The following GDI2 variants were observed in gnomAD, a reference collection of about 807,000 sequenced individuals.
The protein encoded by GDI2 is rab GDP dissociation inhibitor beta.
Under a neutral mutation model 54.2 loss-of-function variants are expected in GDI2, and 22 were observed. The observed-to-expected ratio is 0.41, with a 90% CI of 0.29 to 0.58. The LOEUF (loss-of-function observed/expected upper bound fraction) is 0.58. GDI2 is among the 20% of genes least tolerant of loss of function. The probability of loss-of-function intolerance (pLI) is 0.35; values close to 1 mark genes in which losing one functional copy is unlikely to be tolerated. For synonymous variants in GDI2, 177 were observed against 182.1 expected (o/e 0.97, Z 0.23); for missense variants, 422 against 546.0 (o/e 0.77, Z 2.26).
intron 1 of GDI2, among the ~76,000 whole-genome samples, chr10:5,806,725 C>T (rs1841387755): frequency 6.6e-6 from 1 of 151,822 alleles, no homozygotes; most frequent in Non-Finnish European, 1.5e-5. Flanking sequence ...AGAAAACAAC[C>T]TAAAGCAGCA....
In GDI2 at chr10:5,766,573, C is replaced by G; in HGVS notation, c.1057G>C (p.Val353Leu). 6.2e-7 allele frequency: 1 copy of G among 1,613,282 alleles called. No homozygotes were observed. The highest frequency in any genetic ancestry group is 8.5e-7 in the Non-Finnish European group (1 of 1,179,206). ...VAAQGKYIAIVSTTVETKEPE... is the reference protein window; with the variant it reads ...VAAQGKYIAILSTTVETKEPE... ...TCCTTGGTTTCCACAGTTGTACTAA[C>G]TATAGCAATGTACTTCCCTTGTGCT... Residue 353 changes from valine (V) to leucine (L), a missense_variant, in exon 9 of 11, where the codon GTT becomes CTT. By Grantham distance (32) the Val-to-Leu change is conservative. Transcript: ENST00000380191. This position sits in a 1 kb window ranked among gnomAD's most constrained non-coding sequence, Gnocchi z 5.8.
chr10:5,788,752 T>C (rs1232990514), intron 4 of GDI2, among the ~76,000 whole-genome samples: 3 of 149,934 alleles, frequency 2.0e-5, no homozygotes, highest in East Asian at 2.0e-4. Context: ...GAAAAAATTT[T>C]TGGAGGTTTG....
chr10:5,787,293 T>A (rs1375022823), intron 4 of GDI2, among the ~76,000 whole-genome samples: 1 of 152,078 alleles, frequency 6.6e-6, no homozygotes, highest in Non-Finnish European at 1.5e-5. Flanking sequence ...TCGCTTGAGG[T>A]CAGGAGTTCA....
Position 5,776,894 on chromosome 10 carries a change from A to C in GDI2, c.720-2953T>G. The stretch of plus-strand genomic sequence containing the variant: ...AGGCCAGAGAAGAGGGGAGAAGAGG[A>C]AATAATGCGAAAACAGTTAATCCAG... On this transcript the variant is annotated intron_variant, in intron 6 of 10. Coordinates refer to ENST00000380191, the MANE Select transcript of GDI2 (RefSeq NM_001494.4). This position sits in a 1 kb window ranked among gnomAD's most constrained non-coding sequence, Gnocchi z 5.3. 1.1e-6 allele frequency: 1 copy of C among 880,894 alleles called. No individual in the cohort carries two copies. The highest frequency in any genetic ancestry group is 1.7e-6 in the Non-Finnish European group (1 of 581,662). The allele number at this position is 880,894 out of a possible 1,614,324, so 54.6% of individuals were successfully genotyped here.
Position 5,806,322 on chromosome 10 carries a change from C to T in GDI2, c.46-5617G>A, listed in dbSNP as rs183721596. On this transcript the variant is annotated intron_variant, in intron 1 of 10. Coordinates refer to ENST00000380191, the MANE Select transcript of GDI2 (RefSeq NM_001494.4). ...GGGCATGGTGGCTCATGCCTATAAT[C>T]TCAGCCCTTTGGGAGGCCAAGGTGG... 9.6e-3 allele frequency among the ~76,000 whole-genome samples: 1,357 copies of T among 141,456 alleles called. 10 individuals carry two copies. Among genetic ancestry groups the T allele is most frequent in the Non-Finnish European group, 0.015 (994 of 65,292 alleles). 92.8% of individuals were successfully genotyped at this position (141,456 alleles called of 152,430 possible).
intron 4 of GDI2, among the ~76,000 whole-genome samples, chr10:5,789,174 C>T (rs1445383115): frequency 6.6e-6 from 1 of 151,956 alleles, no homozygotes; most frequent in African/African-American, 2.4e-5. Context: ...GGCGCAACCA[C>T]AGCTCACTGC....
intron 1 of GDI2, among the ~76,000 whole-genome samples, chr10:5,802,384 A>C (rs1841289745): frequency 6.6e-6 from 1 of 152,176 alleles, no homozygotes; most frequent in Non-Finnish European, 1.5e-5. Flanking sequence ...GTGGATCACA[A>C]GGTCAGGAGA....
At chr10:5,772,277 T>C (rs1265966623) in intron 7 of GDI2, among the ~76,000 whole-genome samples, 1 of 152,202 alleles carries the variant, frequency 6.6e-6, no homozygotes. Flanking sequence ...CTATTTGTGC[T>C]GATATACCTG....
intron 1 of GDI2, chr10:5,811,836 G>T: frequency 1.9e-6 from 1 of 531,298 alleles, no homozygotes; most frequent in Non-Finnish European, 3.2e-6. Context: ...ACAGAAAAAT[G>T]ACAGACCAGA....
In GDI2 at chr10:5,766,791, G is replaced by A. The variant is rs955868904; in HGVS notation, c.992-153C>T. Among the ~76,000 whole-genome samples the A allele has an allele frequency of 6.6e-6, 1 of 152,182 alleles. No homozygotes were observed. ...TAAGTTCTAAATGGTGACAGAGTTG[G>A]ATGTAAAGTACACAGATATTTAACA... On this transcript the variant is annotated intron_variant, in intron 8 of 10. Coordinates refer to ENST00000380191, the MANE Select transcript of GDI2 (RefSeq NM_001494.4). The surrounding 1 kb of genome is among the most constrained non-coding windows in gnomAD (Gnocchi z 5.8).
Position 5,813,274 on chromosome 10 carries a change from G to A in GDI2, c.-16C>T. The stretch of plus-strand genomic sequence containing the variant: ...CCTCATTCATGGCGGGGCAGGCGCG[G>A]ACGCAGGACCCGAGCAAGGAAAAGG... On this transcript the variant is annotated 5_prime_UTR_variant, in exon 1 of 11. Coordinates refer to ENST00000380191, the MANE Select transcript of GDI2 (RefSeq NM_001494.4). 3 of 1,568,914 alleles carry A rather than the reference G, an allele frequency of 1.9e-6. No homozygotes were observed. Among genetic ancestry groups the A allele is most frequent in the African/African-American group, 1.4e-5 (1 of 73,292 alleles).
intron 1 of GDI2, among the ~76,000 whole-genome samples, chr10:5,807,389 G>C (rs1180598864): frequency 6.6e-6 from 1 of 152,112 alleles, no homozygotes; most frequent in Non-Finnish European, 1.5e-5. Context: ...TAGAAAAGCT[G>C]GTCCATCTAT....
At chr10:5,790,410 G>C (rs143810846) in intron 4 of GDI2, among the ~76,000 whole-genome samples, 3 of 152,130 alleles carry the variant, frequency 2.0e-5, no homozygotes, top group African/African-American at 4.8e-5. Flanking sequence ...TTGGGAGAAC[G>C]AGGCAGGTGG....
At chr10:5,797,498 T>C (rs562139095) in intron 2 of GDI2, among the ~76,000 whole-genome samples, 24 of 131,520 alleles carry the variant, frequency 1.8e-4, no homozygotes, top group African/African-American at 6.2e-4. Context: ...TGAGCCGAGA[T>C]AGCGTGACTG....
chr10:5,812,278 T>C (rs546673449), intron 1 of GDI2, among the ~76,000 whole-genome samples: 1 of 151,136 alleles, frequency 6.6e-6, no homozygotes, highest in Admixed American at 6.6e-5. Context: ...TTACCTAAAG[T>C]TCCCTTAGAA....
chr10:5,785,531 C>A (rs533186456), intron 5 of GDI2, among the ~76,000 whole-genome samples: 4 of 152,158 alleles, frequency 2.6e-5, no homozygotes, highest in Admixed American at 2.0e-4. Flanking sequence ...CGCACCACTA[C>A]CGCCCAACTA....
chr10:5,787,821 C>G lies in GDI2; in HGVS notation c.389-1771G>C, dbSNP rs1458167196. On this transcript the variant is annotated intron_variant, in intron 4 of 10. Transcript: ENST00000380191. ...TACTAACAGTTATTTTGGAGTATCT[C>G]CCAACTTTTGTTTATTTAATAGAAA... is the stretch of plus-strand genomic sequence containing the variant. 2.0e-5 allele frequency among the ~76,000 whole-genome samples: 3 copies of G among 152,230 alleles called. No individual in the cohort carries two copies. The East Asian group carries it at 5.8e-4, about 29-fold the overall frequency.
chr10:5,786,245 A>G (rs1730589817), intron 4 of GDI2, among the ~76,000 whole-genome samples, 195 bp from the exon 5 acceptor site: 1 of 136,740 alleles, frequency 7.3e-6, no homozygotes, highest in African/African-American at 2.8e-5. Flanking sequence ...ATCTCAGCTC[A>G]CTGCAACCTC....
intron 1 of GDI2, among the ~76,000 whole-genome samples, chr10:5,801,233 G>A (rs555923889): frequency 1.2e-4 from 19 of 152,242 alleles, no homozygotes; most frequent in Admixed American, 5.2e-4. Flanking sequence ...GATTACAGGC[G>A]TAAGCCATCG....
Sources: allele counts gnomAD v4.1 joint callset (sites outside exome capture counted in the v4.1 genomes callset), GRCh38; gene constraint gnomAD v4.1.1; non-coding constraint Gnocchi (gnomAD v3.1); transcripts MANE v1.5; gene names NCBI Gene and HGNC (gene_info 2026-07-23, HGNC 2026-07-21).